Variants in KIRREL3 observed in about 807,000 individuals in gnomAD.
KIRREL3 encodes kirre like nephrin family adhesion molecule 3.
Under a neutral mutation model 89.7 loss-of-function variants are expected in KIRREL3, and 36 were observed. The observed-to-expected ratio is 0.40, with a 90% CI of 0.31 to 0.53. The LOEUF (loss-of-function observed/expected upper bound fraction) is 0.53. KIRREL3 is among the 20% of genes least tolerant of loss of function. The pLI is 0.49. For synonymous variants in KIRREL3, 445 were observed against 441.4 expected (o/e 1.01, Z -0.10); for missense variants, 864 against 1,056.6 (o/e 0.82, Z 2.53).
Position 126,486,517 on chromosome 11 carries a change from C to A in KIRREL3, c.434-13051G>T, listed in dbSNP as rs1310274221. Among the ~76,000 whole-genome samples the A allele has an allele frequency of 1.3e-5, 2 of 152,198 alleles. No individual in the cohort carries two copies. The highest frequency in any genetic ancestry group is 3.9e-4 in the East Asian group (2 of 5,194). Reference sequence around the variant, plus strand: ...GCACATGCCCCCTTGCAGCCGCTCACAAAGCTCTCCAGCTGGTTTCGACCT... The same window carrying A: ...GCACATGCCCCCTTGCAGCCGCTCAAAAAGCTCTCCAGCTGGTTTCGACCT... On this transcript the variant is annotated intron_variant, in intron 4 of 16. Transcript: ENST00000525144. This position sits in a 1 kb window ranked among gnomAD's most constrained non-coding sequence, Gnocchi z 6.2.
In KIRREL3 at chr11:126,709,451, T is replaced by C. The variant is rs1277854447; in HGVS notation, c.56-146539A>G. 6.6e-6 allele frequency among the ~76,000 whole-genome samples: 1 copy of C among 152,188 alleles called. No individual in the cohort carries two copies. On this transcript the variant is annotated intron_variant, in intron 1 of 16. Coordinates refer to ENST00000525144, the MANE Select transcript of KIRREL3 (RefSeq NM_032531.4). The surrounding 1 kb of genome is among the most constrained non-coding windows in gnomAD (Gnocchi z 4.0). Reference sequence around the variant, plus strand: ...CAGGCAAACACCTGCTAATGAGTGGTGGTGGCAGTGGTAGGGAGTAGGTTG... The same window carrying C: ...CAGGCAAACACCTGCTAATGAGTGGCGGTGGCAGTGGTAGGGAGTAGGTTG...
intron 1 of KIRREL3, among the ~76,000 whole-genome samples, chr11:126,923,277 TTCTC>T (rs1412908437): frequency 5.4e-5 from 7 of 129,280 alleles, no homozygotes; most frequent in Admixed American, 1.6e-4. Context: ...CTCCTTCTCC[TTCTC>T]CTTCTCCTTC....
chr11:126,572,591 G>A (rs1212239522), intron 1 of KIRREL3, among the ~76,000 whole-genome samples: 1 of 151,752 alleles, frequency 6.6e-6, no homozygotes, highest in African/African-American at 2.4e-5. Context: ...CCGCCAAGCA[G>A]GTGCTGCTGA....
intron 10 of KIRREL3, 42 bp downstream of exon 10, chr11:126,444,937 C>T (rs1484151113): frequency 1.2e-6 from 2 of 1,609,396 alleles, no homozygotes; most frequent in African/African-American, 1.3e-5. Context: ...TGAGGTCCTT[C>T]TTCCCTCCCT....
chr11:126,500,151 C>T (rs942044495), intron 4 of KIRREL3, among the ~76,000 whole-genome samples: 2 of 152,158 alleles, frequency 1.3e-5, no homozygotes, highest in Non-Finnish European at 2.9e-5. Context: ...TTATTAGATG[C>T]TGTTGGGTTG....
chr11:126,845,961 A>C (rs575033413), intron 1 of KIRREL3, among the ~76,000 whole-genome samples: 51 of 152,298 alleles, frequency 3.3e-4, no homozygotes, highest in Middle Eastern at 3.4e-3. Context: ...CACAAAAAAA[A>C]CACAAAAAAC....
Position 126,723,559 on chromosome 11 carries a change from C to T in KIRREL3, c.56-160647G>A, listed in dbSNP as rs902310714. On this transcript the variant is annotated intron_variant, in intron 1 of 16. Transcript: ENST00000525144. The surrounding 1 kb of genome is among the most constrained non-coding windows in gnomAD (Gnocchi z 4.0). Reference sequence around the variant, plus strand: ...AAGAAAGCATTTCCTAAACCCTTCTCCTCTATGCTTTTAAAATAAAGGCCT... The same window carrying T: ...AAGAAAGCATTTCCTAAACCCTTCTTCTCTATGCTTTTAAAATAAAGGCCT... Among the ~76,000 whole-genome samples the T allele has an allele frequency of 1.3e-5, 2 of 152,220 alleles. No individual in the cohort carries two copies. Among genetic ancestry groups the T allele is most frequent in the African/African-American group, 4.8e-5 (2 of 41,454 alleles).
intron 1 of KIRREL3, among the ~76,000 whole-genome samples, chr11:126,728,772 G>C (rs1592033880): frequency 6.6e-6 from 1 of 152,182 alleles, no homozygotes; most frequent in Non-Finnish European, 1.5e-5. Flanking sequence ...CCCCTGGGAG[G>C]GCCCCCAGGT....
Position 126,983,753 on chromosome 11 carries a change from C to T in KIRREL3, c.55+16702G>A, listed in dbSNP as rs561996161. 6.0e-4 allele frequency among the ~76,000 whole-genome samples: 91 copies of T among 152,290 alleles called. No individual in the cohort carries two copies. Among genetic ancestry groups the T allele is most frequent in the Admixed American group, 1.2e-3 (19 of 15,284 alleles). On this transcript the variant is annotated intron_variant, in intron 1 of 16. Transcript: ENST00000525144. The surrounding 1 kb of genome is among the most constrained non-coding windows in gnomAD (Gnocchi z 4.9). ...CGTGAGATCCATTCTAGACCTCTGA[C>T]CTCCAGAAGCTAAGATAGTACATTT...
rs907274222 is a variant in KIRREL3, at chr11:126,918,732, A to G, written c.55+81723T>C. ...ATCAAGGATAGTTCCCCTTTTCAAA[A>G]TCTTTTCCTGCATTGGATGCCAGGC... is the stretch of plus-strand genomic sequence containing the variant. On this transcript the variant is annotated intron_variant, in intron 1 of 16. Transcript: ENST00000525144. The surrounding 1 kb of genome is among the most constrained non-coding windows in gnomAD (Gnocchi z 6.5). Among the ~76,000 whole-genome samples the G allele has an allele frequency of 6.6e-6, 1 of 152,126 alleles. No individual in the cohort carries two copies. The highest frequency in any genetic ancestry group is 1.5e-5 in the Non-Finnish European group (1 of 68,026).
rs752642019 is a variant in KIRREL3 at position 126,606,613 on chromosome 11, C to T, written c.56-43701G>A. Reference sequence around the variant, plus strand: ...CACACCCCAGGGGTTGATACCAGGCCGAGACCCTCGACATTCCAGGGAGGG... The same window carrying T: ...CACACCCCAGGGGTTGATACCAGGCTGAGACCCTCGACATTCCAGGGAGGG... On this transcript the variant is annotated intron_variant, in intron 1 of 16. Coordinates refer to ENST00000525144, the MANE Select transcript of KIRREL3 (RefSeq NM_032531.4). This position sits in a 1 kb window ranked among gnomAD's most constrained non-coding sequence, Gnocchi z 4.6. Among the ~76,000 whole-genome samples, 11 of 152,092 alleles carry T rather than the reference C, an allele frequency of 7.2e-5. No individual in the cohort carries two copies. The highest frequency in any genetic ancestry group is 1.2e-4 in the Non-Finnish European group (8 of 68,016).
intron 5 of KIRREL3, among the ~76,000 whole-genome samples, chr11:126,470,163 C>G (rs945135020): frequency 7.2e-5 from 11 of 152,252 alleles, no homozygotes; most frequent in Non-Finnish European, 1.5e-5. Flanking sequence ...CCTGACCTCT[C>G]TCTCCACCTG....
intron 1 of KIRREL3, among the ~76,000 whole-genome samples, chr11:126,767,529 G>GCTGTGTATAATGATATACA (rs1202694698): frequency 2.0e-5 from 3 of 150,068 alleles, no homozygotes; most frequent in Admixed American, 2.0e-4. Context: ...TTGCTTGTTG[G>GCTGTGTATAATGATATACA]CTGTGTATAA....
intron 1 of KIRREL3, among the ~76,000 whole-genome samples, chr11:126,567,939 T>A (rs578463): frequency 0.41 from 62,413 of 151,886 alleles, 13,313 homozygotes; most frequent in Admixed American, 0.52. Context: ...GGATGGCTGC[T>A]TGTAGAAGGC....
In KIRREL3 at chr11:126,981,705, G is replaced by C. The variant is rs552742686; in HGVS notation, c.55+18750C>G. On this transcript the variant is annotated intron_variant, in intron 1 of 16. Transcript: ENST00000525144. This position sits in a 1 kb window ranked among gnomAD's most constrained non-coding sequence, Gnocchi z 4.2. ...TTTTATCAATGCACCCCCATCCTTG[G>C]AGTAGGTTCCTGAGCTTGGTGCCTG... Among the ~76,000 whole-genome samples, 1 of 152,246 alleles carries C rather than the reference G, an allele frequency of 6.6e-6. No homozygotes were observed. The highest frequency in any genetic ancestry group is 2.1e-4 in the South Asian group (1 of 4,816).
rs778344945 is a variant in KIRREL3, at chr11:126,431,347, C to T, written c.1696+72G>A. ...TGTTCATTGCACTCCTGCTTACTTG[C>T]TCTCCGGGGCAGCCTAAGCCTGGCC... On this transcript the variant is annotated intron_variant, in intron 14 of 16. Coordinates refer to ENST00000525144, the MANE Select transcript of KIRREL3 (RefSeq NM_032531.4). The surrounding 1 kb of genome is among the most constrained non-coding windows in gnomAD (Gnocchi z 7.1). The T allele has an allele frequency of 6.3e-7, 1 of 1,582,940 alleles. No homozygotes were observed. Among genetic ancestry groups the T allele is most frequent in the African/African-American group, 1.3e-5 (1 of 74,190 alleles).
chr11:126,769,441 C>A lies in KIRREL3; in HGVS notation c.56-206529G>T, dbSNP rs564783627. On this transcript the variant is annotated intron_variant, in intron 1 of 16. Transcript: ENST00000525144. This position sits in a 1 kb window ranked among gnomAD's most constrained non-coding sequence, Gnocchi z 4.3. ...ATGAGACATTATTGGATAGATATTG[C>A]CATCAAGAAGAGGGGCCCACTCCCC... is the stretch of plus-strand genomic sequence containing the variant. Among the ~76,000 whole-genome samples, 9 of 152,222 alleles carry A rather than the reference C, an allele frequency of 5.9e-5. No individual in the cohort carries two copies. The highest frequency in any genetic ancestry group is 2.2e-4 in the African/African-American group (9 of 41,534).
chr11:126,841,415 C>A (rs1943958070), intron 1 of KIRREL3, among the ~76,000 whole-genome samples: 1 of 152,208 alleles, frequency 6.6e-6, no homozygotes, highest in South Asian at 2.1e-4. Context: ...GCAGCCAGCA[C>A]AATGCCAGGC....
At chr11:126,468,952 G>T (rs1956806026) in intron 5 of KIRREL3, among the ~76,000 whole-genome samples, 2 of 152,190 alleles carry the variant, frequency 1.3e-5, no homozygotes, top group African/African-American at 4.8e-5. Flanking sequence ...GTCTGCATAT[G>T]GGAAACGCGA....
Sources: allele counts gnomAD v4.1 joint callset (sites outside exome capture counted in the v4.1 genomes callset), GRCh38; gene constraint gnomAD v4.1.1; non-coding constraint Gnocchi (gnomAD v3.1); transcripts MANE v1.5; gene names NCBI Gene and HGNC (gene_info 2026-07-23, HGNC 2026-07-21).